Variants in HDAC9 observed in about 807,000 individuals in gnomAD.
The protein encoded by HDAC9 is histone deacetylase 9, also known as MEF-2 interacting transcription repressor (MITR) protein.
In HDAC9, 41 loss-of-function variants were observed where a neutral mutation model predicts 139.4. The ratio of observed to expected loss-of-function variants is 0.29; its 90% CI spans 0.23 to 0.38. HDAC9 has a LOEUF of 0.38. Ranked by LOEUF, HDAC9 falls within the 10% of genes least tolerant of loss-of-function variation. The probability of loss-of-function intolerance (pLI) is 1.00; values close to 1 mark genes in which losing one functional copy is unlikely to be tolerated. For missense variants in HDAC9, 1,147 were observed against 1,297.0 expected (o/e 0.88, Z 1.78); for synonymous variants, 517 against 476.2 (o/e 1.09, Z -1.12).
chr7:18,629,218 C>A, intron 6 of HDAC9, 132 bp from the exon 7 acceptor site: 1 of 735,850 alleles, frequency 1.4e-6, no homozygotes, highest in Non-Finnish European at 2.1e-6. Flanking sequence ...CATTTATGTG[C>A]TTGGGTTTTT....
intron 21 of HDAC9, among the ~76,000 whole-genome samples, chr7:18,873,804 G>A (rs1313509923): frequency 1.3e-5 from 2 of 151,980 alleles, no homozygotes; most frequent in Non-Finnish European, 2.9e-5. Flanking sequence ...AAGGGGTTTC[G>A]GAGCCCTGAA....
At chr7:18,255,181 A>T (rs937076485) in intron 2 of HDAC9, among the ~76,000 whole-genome samples, 4 of 152,314 alleles carry the variant, frequency 2.6e-5, no homozygotes, top group South Asian at 2.1e-4. Context: ...CAGGATATTA[A>T]CAAAAAGCAG....
chr7:18,328,484 A>C (rs976678300), intron 1 of HDAC9, among the ~76,000 whole-genome samples: 3 of 151,992 alleles, frequency 2.0e-5, no homozygotes, highest in African/African-American at 7.2e-5. Flanking sequence ...AATTTAGAAT[A>C]CACACGTAAA....
rs553732200 is a variant in HDAC9, at chr7:18,801,864, C to T, written c.2322+8412C>T. ...ATTTTCAAAATTAGTCATATGAATC[C>T]GTTCATAATATCCTCTTTTAACACT... On this transcript the variant is annotated intron_variant, in intron 17 of 25. Coordinates refer to ENST00000686413, the MANE Select transcript of HDAC9 (RefSeq NM_178425.4). Among the ~76,000 whole-genome samples, 7 of 151,864 alleles carry T rather than the reference C, an allele frequency of 4.6e-5. No individual in the cohort carries two copies. In the East Asian group the frequency reaches 5.8e-4, roughly 13 times the overall value.
intron 24 of HDAC9, among the ~76,000 whole-genome samples, chr7:18,975,195 G>A (rs951911794): frequency 6.6e-6 from 1 of 152,126 alleles, no homozygotes; most frequent in African/African-American, 2.4e-5. Flanking sequence ...TATGACATAT[G>A]GATGGGCTCC....
intron 1 of HDAC9, among the ~76,000 whole-genome samples, chr7:18,427,891 C>T (rs1377412012): frequency 1.3e-5 from 2 of 152,046 alleles, no homozygotes; most frequent in Non-Finnish European, 2.9e-5. Context: ...AGCAACTCCC[C>T]ATGCTCTCCC....
At chr7:18,886,640 A>G (rs2129263614) in intron 22 of HDAC9, among the ~76,000 whole-genome samples, 1 of 152,214 alleles carries the variant, frequency 6.6e-6, no homozygotes, top group East Asian at 1.9e-4. Context: ...ACTCTTTGAG[A>G]TGTTTGTAAA....
At chr7:18,354,773 A>G (rs1008059133) in intron 1 of HDAC9, among the ~76,000 whole-genome samples, 1 of 152,118 alleles carries the variant, frequency 6.6e-6, no homozygotes, top group African/African-American at 2.4e-5. Flanking sequence ...CAATTCATCA[A>G]TTGGATGTGG....
chr7:18,210,409 A>G (rs1189967960), intron 2 of HDAC9, among the ~76,000 whole-genome samples: 1 of 152,238 alleles, frequency 6.6e-6, no homozygotes, highest in African/African-American at 2.4e-5. Flanking sequence ...CCTATTTCAG[A>G]CAATGTAGAA....
intron 1 of HDAC9, among the ~76,000 whole-genome samples, chr7:18,440,450 G>A (rs1791653969): frequency 6.6e-6 from 1 of 151,950 alleles, no homozygotes; most frequent in Non-Finnish European, 1.5e-5. Context: ...CTCCCAAAGT[G>A]CTGGGATTAC....
intron 12 of HDAC9, among the ~76,000 whole-genome samples, chr7:18,717,507 C>T (rs549065830): frequency 3.3e-3 from 504 of 151,034 alleles, no homozygotes; most frequent in Non-Finnish European, 5.7e-3. Context: ...TCTCAGCTCA[C>T]TGCAACCTCC....
At chr7:18,835,694 G>C (rs185917363) in intron 20 of HDAC9, 108 bp downstream of exon 20, 13 of 1,426,738 alleles carry the variant, frequency 9.1e-6, no homozygotes, top group African/African-American at 2.8e-5. Flanking sequence ...TAAATTACAC[G>C]AGATTACTGA....
chr7:18,278,987 G>T (rs891839111), intron 2 of HDAC9, among the ~76,000 whole-genome samples: 3 of 152,126 alleles, frequency 2.0e-5, no homozygotes, highest in Admixed American at 1.3e-4. Flanking sequence ...GACGTTTGGG[G>T]AATTTTAAAG....
chr7:18,291,781 G>C (rs1030559), intron 1 of HDAC9, among the ~76,000 whole-genome samples: 85,498 of 151,970 alleles, frequency 0.56, 26,166 homozygotes, highest in African/African-American at 0.83. Flanking sequence ...GTTATCTGAG[G>C]TTGTCTTGCC....
intron 1 of HDAC9, among the ~76,000 whole-genome samples, chr7:18,412,489 A>G (rs1269329891): frequency 6.6e-6 from 1 of 152,178 alleles, no homozygotes; most frequent in African/African-American, 2.4e-5. Context: ...GCTTTGTGCT[A>G]TATGCCTTAT....
chr7:18,917,159 T>A (rs1803282190), intron 22 of HDAC9, among the ~76,000 whole-genome samples: 1 of 152,016 alleles, frequency 6.6e-6, no homozygotes, highest in African/African-American at 2.4e-5. Context: ...GAAATCATCT[T>A]ATGTTACTTA....
intron 22 of HDAC9, among the ~76,000 whole-genome samples, chr7:18,897,833 A>G (rs7799557): frequency 0.56 from 83,431 of 149,976 alleles, 23,397 homozygotes; most frequent in East Asian, 0.76. Flanking sequence ...AAAAAAAAAA[A>G]ATCCCTCCAT....
At chr7:18,686,126 G>T (rs1252930313) in intron 12 of HDAC9, among the ~76,000 whole-genome samples, 1 of 151,936 alleles carries the variant, frequency 6.6e-6, no homozygotes, top group Non-Finnish European at 1.5e-5. Context: ...GGCTGGCTTG[G>T]AGTCTCAGTC....
chr7:18,821,524 A>ATGGTGG lies in HDAC9; in HGVS notation c.2323-7636_2323-7635insGGTGGT, dbSNP rs1562964459. On this transcript the variant is annotated intron_variant, in intron 17 of 25. Coordinates refer to ENST00000686413, the MANE Select transcript of HDAC9 (RefSeq NM_178425.4). ...GGTGGAGAAAGCAAGATGAATGGTG[A>ATGGTGG]TACAAAATAAAACTGATGCAGCGGG... is the stretch of plus-strand genomic sequence containing the variant. Among the ~76,000 whole-genome samples the ATGGTGG allele has an allele frequency of 2.5e-4, 38 of 152,216 alleles. No homozygotes were observed. In the East Asian group the frequency reaches 6.2e-3, roughly 25 times the overall value.
Sources: gnomAD v4.1 joint callset for allele counts (sites outside exome capture counted in the v4.1 genomes callset) on GRCh38, gnomAD v4.1.1 for gene constraint, MANE v1.5 for transcripts, NCBI Gene and HGNC (gene_info 2026-07-23, HGNC 2026-07-21) for gene names.